DPP10: variants seen among roughly 807,000 people sequenced by gnomAD.
DPP10 encodes inactive dipeptidyl peptidase 10.
A neutral mutation model predicts 120.9 loss-of-function variants in DPP10; 33 were observed. The ratio of observed to expected loss-of-function variants is 0.27; its 90% CI spans 0.21 to 0.37. The LOEUF is 0.37. Ranked by LOEUF, DPP10 falls within the 10% of genes least tolerant of loss-of-function variation. The pLI is 1.00. For synonymous variants in DPP10, 337 were observed against 326.1 expected (o/e 1.03, Z -0.36); for missense variants, 816 against 942.8 (o/e 0.87, Z 1.76).
chr2:114,804,492 G>T (rs1360899357), intron 1 of DPP10, among the ~76,000 whole-genome samples: 1 of 152,118 alleles, frequency 6.6e-6, no homozygotes, highest in Non-Finnish European at 1.5e-5. Context: ...GCAGCCAGGA[G>T]GCAGGCAAAG....
At chr2:115,333,254 G>T (rs543861104) in intron 2 of DPP10, among the ~76,000 whole-genome samples, 12 of 151,720 alleles carry the variant, frequency 7.9e-5, no homozygotes, top group South Asian at 6.2e-4. Context: ...ACCCCTGCCT[G>T]TTTTTGTTTT....
intron 1 of DPP10, among the ~76,000 whole-genome samples, chr2:114,464,020 C>T (rs888089867): frequency 2.0e-5 from 3 of 152,038 alleles, no homozygotes; most frequent in African/African-American, 7.2e-5. Context: ...TGGATGTGTC[C>T]GTTTGTTTAT....
chr2:115,129,741 G>A (rs2050246582), intron 1 of DPP10, among the ~76,000 whole-genome samples: 1 of 152,110 alleles, frequency 6.6e-6, no homozygotes, highest in Admixed American at 6.5e-5. Flanking sequence ...TTCTCATAGT[G>A]TTGTCAGGAA....
intron 1 of DPP10, among the ~76,000 whole-genome samples, chr2:115,262,169 A>G (rs1032552202): frequency 6.6e-6 from 1 of 152,168 alleles, no homozygotes; most frequent in Admixed American, 6.5e-5. Flanking sequence ...GGAAGAGGGC[A>G]CATATTAATT....
At chr2:114,832,070 G>A (rs1234391952) in intron 1 of DPP10, among the ~76,000 whole-genome samples, 1 of 151,786 alleles carries the variant, frequency 6.6e-6, no homozygotes, top group Non-Finnish European at 1.5e-5. Flanking sequence ...TATTTTCCAC[G>A]TGTTTTCACC....
intron 3 of DPP10, among the ~76,000 whole-genome samples, chr2:115,485,238 C>CAA (rs70941066): frequency 8.1e-6 from 1 of 123,250 alleles, no homozygotes; most frequent in Admixed American, 8.0e-5. Flanking sequence ...AACACTGTTC[C>CAA]AAAAAAAAAA....
intron 3 of DPP10, among the ~76,000 whole-genome samples, chr2:115,400,966 G>T (rs2068031326): frequency 6.6e-6 from 1 of 152,192 alleles, no homozygotes; most frequent in African/African-American, 2.4e-5. Flanking sequence ...GAGTACTTAG[G>T]TGGGAACAAC....
intron 13 of DPP10, among the ~76,000 whole-genome samples, chr2:115,775,555 G>T (rs1681998361): frequency 1.3e-5 from 2 of 152,026 alleles, no homozygotes; most frequent in Non-Finnish European, 2.9e-5. Context: ...CAGTGATGTA[G>T]GATTTTCCAC....
At chr2:115,069,448 A>G (rs961069547) in intron 1 of DPP10, among the ~76,000 whole-genome samples, 5 of 152,080 alleles carry the variant, frequency 3.3e-5, no homozygotes, top group African/African-American at 1.2e-4. Context: ...AGAGCCTTTA[A>G]AGTTTTTCCA....
At chr2:115,167,600 G>A (rs577079331) in intron 1 of DPP10, among the ~76,000 whole-genome samples, 5 of 116,414 alleles carry the variant, frequency 4.3e-5, no homozygotes, top group South Asian at 2.9e-4. Flanking sequence ...GAACGAGACC[G>A]TCTCAAAAAA....
chr2:114,764,140 T>C (rs17786019), intron 1 of DPP10, among the ~76,000 whole-genome samples: 4,046 of 152,282 alleles, frequency 0.027, 94 homozygotes, highest in Middle Eastern at 0.058. Context: ...ACTGTATTAC[T>C]AAATGATATT....
At chr2:115,555,803 C>A (rs546265117) in intron 5 of DPP10, among the ~76,000 whole-genome samples, 2 of 152,148 alleles carry the variant, frequency 1.3e-5, no homozygotes, top group East Asian at 3.9e-4. Flanking sequence ...TATATTAGCA[C>A]TTGAGGAAAT....
At position 114,793,035 on chromosome 2, in the gene DPP10, T is replaced by C. The variant is rs1683386542; in HGVS notation, c.60+350197T>C. On this transcript the variant is annotated intron_variant, in intron 1 of 25. Transcript: ENST00000410059. ...GTGTGTGTGTGTGTGTGTGTGTTTC[T>C]ATTAATATCGTTGTTTATTTGATGC... Among the ~76,000 whole-genome samples the C allele has an allele frequency of 4.6e-5, 7 of 151,912 alleles. No individual in the cohort carries two copies. In the South Asian group the frequency reaches 1.5e-3, roughly 32 times the overall value.
chr2:115,250,656 A>C (rs914355067), intron 1 of DPP10, among the ~76,000 whole-genome samples: 2 of 152,180 alleles, frequency 1.3e-5, no homozygotes, highest in African/African-American at 4.8e-5. Flanking sequence ...TGCCAACCTA[A>C]ATAACAACTC....
At chr2:115,189,302 G>A (rs1364549209) in intron 1 of DPP10, among the ~76,000 whole-genome samples, 2 of 152,110 alleles carry the variant, frequency 1.3e-5, no homozygotes, top group East Asian at 1.9e-4. Context: ...CCGGAGTGGC[G>A]GGGTGAGTAG....
intron 1 of DPP10, among the ~76,000 whole-genome samples, chr2:114,605,509 G>A (rs1692712066): frequency 6.6e-6 from 1 of 152,050 alleles, no homozygotes; most frequent in South Asian, 2.1e-4. Flanking sequence ...TAAGAATATA[G>A]TATGTAATAC....
At chr2:114,597,217 C>CA (rs1166159856) in intron 1 of DPP10, among the ~76,000 whole-genome samples, 3 of 151,714 alleles carry the variant, frequency 2.0e-5, no homozygotes, top group Admixed American at 6.6e-5. Context: ...ATAATGCAGA[C>CA]AAAAAACCAA....
At chr2:115,384,549 A>C in intron 3 of DPP10, among the ~76,000 whole-genome samples, 1 of 80,782 alleles carries the variant, frequency 1.2e-5, no homozygotes, top group South Asian at 4.5e-4. Context: ...AGAAGAAGGA[A>C]GAAGAAGAGG....
At chr2:115,057,524 G>A (rs6714443) in intron 1 of DPP10, among the ~76,000 whole-genome samples, 1 of 151,996 alleles carries the variant, frequency 6.6e-6, no homozygotes. Context: ...AGGCTCAGTG[G>A]ATTGCTAAGA....
Sources: allele counts gnomAD v4.1 joint callset (sites outside exome capture counted in the v4.1 genomes callset), GRCh38; gene constraint gnomAD v4.1.1; transcripts MANE v1.5; gene names NCBI Gene and HGNC (gene_info 2026-07-23, HGNC 2026-07-21).